Variants in ANPEP observed in about 807,000 individuals in gnomAD.
The protein encoded by ANPEP is aminopeptidase N.
Under a neutral mutation model 114.6 loss-of-function variants are expected in ANPEP, and 70 were observed. The ratio of observed to expected loss-of-function variants is 0.61; its 90% CI spans 0.50 to 0.75. The LOEUF (loss-of-function observed/expected upper bound fraction) is 0.75. Ranked by LOEUF, ANPEP falls within the 30% of genes least tolerant of loss-of-function variation. ANPEP has a pLI of 0.00. For synonymous variants in ANPEP, 548 were observed against 522.3 expected (o/e 1.05, Z -0.67); for missense variants, 1,184 against 1,259.5 (o/e 0.94, Z 0.91).
chr15:89,805,100 T>C lies in ANPEP; in HGVS notation c.875A>G (p.Lys292Arg). The change falls in exon 4 of 21, where the codon AAG (lysine) becomes AGG (arginine). Residue 292 changes from lysine to arginine, a missense_variant. By Grantham distance (26) the Lys-to-Arg change is conservative. Coordinates refer to ENST00000300060, the MANE Select transcript of ANPEP (RefSeq NM_001150.3). ...FIVSEFDYVE[K>R]QASNGVLIRI... ...TACCAAGACACCATTGGATGCCTGC[T>C]TCTCCACGTAGTCGAACTCACTGAC... 6.2e-7 allele frequency: 1 copy of C among 1,614,224 alleles called. No individual in the cohort carries two copies. Among genetic ancestry groups the C allele is most frequent in the Non-Finnish European group, 8.5e-7 (1 of 1,180,034 alleles).
At chr15:89,792,379 C>T in intron 17 of ANPEP, 52 bp from the exon 18 acceptor site, 1 of 1,612,100 alleles carries the variant, frequency 6.2e-7, no homozygotes, top group Non-Finnish European at 8.5e-7. Flanking sequence ...GAGGGTGGGA[C>T]AGGGTTCTGC....
At chr15:89,808,485 T>A (rs1295943317) in intron 1 of ANPEP, among the ~76,000 whole-genome samples, 1 of 152,224 alleles carries the variant, frequency 6.6e-6, no homozygotes, top group Non-Finnish European at 1.5e-5. Flanking sequence ...TAGGTCCTCA[T>A]TACTGAGATG....
At chr15:89,794,312 C>T (rs997170326) in intron 15 of ANPEP, among the ~76,000 whole-genome samples, 13 of 151,754 alleles carry the variant, frequency 8.6e-5, no homozygotes, top group African/African-American at 7.3e-5. Flanking sequence ...GGTGAAACCC[C>T]GAAGCTACTA....
In ANPEP at chr15:89,792,254, C is replaced by G. The variant is rs759355791; in HGVS notation, c.2434G>C (p.Ala812Pro). ...AQGGEEEWDFAWEQFRNATLV... is the reference protein window; with the variant it reads ...AQGGEEEWDFPWEQFRNATLV... ...GTGGCATTTCGGAACTGCTCCCAGGCGAAGTCCCACTCCTCCTCCCCGCCC... is the reference window on the plus strand; with the variant it reads ...GTGGCATTTCGGAACTGCTCCCAGGGGAAGTCCCACTCCTCCTCCCCGCCC... The change falls in exon 18 of 21, where the codon GCC (alanine) becomes CCC (proline). Residue 812 changes from alanine to proline, a missense_variant. Transcript: ENST00000300060. 1 of 1,614,212 alleles carries G rather than the reference C, an allele frequency of 6.2e-7. No individual in the cohort carries two copies. The highest frequency in any genetic ancestry group is 2.2e-5 in the East Asian group (1 of 44,888).
chr15:89,801,065 G>C (rs779226867), intron 12 of ANPEP, 46 bp downstream of exon 12: 1 of 1,551,494 alleles, frequency 6.4e-7, no homozygotes, highest in African/African-American at 1.4e-5. Context: ...CCAGGAGCTA[G>C]GAGTATGGGG....
chr15:89,797,398 G>A, intron 15 of ANPEP, 177 bp downstream of exon 15: 1 of 915,344 alleles, frequency 1.1e-6, no homozygotes, highest in Non-Finnish European at 1.6e-6. Flanking sequence ...TCTTTCACCT[G>A]CGTGCTCTCA....
At chr15:89,810,651 A>T (rs1037408105) in intron 1 of ANPEP, among the ~76,000 whole-genome samples, 14 of 152,100 alleles carry the variant, frequency 9.2e-5, no homozygotes, top group African/African-American at 3.1e-4. Context: ...AAGCACCTCA[A>T]AGGAAGGCCT....
intron 16 of ANPEP, among the ~76,000 whole-genome samples, 198 bp from the exon 17 acceptor site, chr15:89,792,760 G>A (rs1393673608): frequency 6.6e-6 from 1 of 151,702 alleles, no homozygotes. Context: ...AGAAGGGCAG[G>A]AACAGGCTCC....
At chr15:89,811,516 G>C (rs755153501) in intron 1 of ANPEP, among the ~76,000 whole-genome samples, 3 of 151,674 alleles carry the variant, frequency 2.0e-5, no homozygotes, top group Non-Finnish European at 2.9e-5. Flanking sequence ...CGTGGTGGTG[G>C]GCGCCTGTAA....
At chr15:89,805,948 G>A (rs767738541) in intron 2 of ANPEP, 22 bp downstream of exon 2, 7 of 1,567,184 alleles carry the variant, frequency 4.5e-6, no homozygotes, top group Admixed American at 3.5e-5. Context: ...CCACCCCACC[G>A]GGCAGCCCAG....
chr15:89,790,918 G>C (rs774951046), intron 19 of ANPEP, 35 bp downstream of exon 19: 8 of 1,606,794 alleles, frequency 5.0e-6, no homozygotes, highest in Non-Finnish European at 6.8e-6. Flanking sequence ...CAGCCTCGGC[G>C]CTCGCTGTCC....
intron 15 of ANPEP, among the ~76,000 whole-genome samples, chr15:89,793,436 C>A (rs114953268): frequency 0.023 from 3,532 of 152,246 alleles, 134 homozygotes; most frequent in African/African-American, 0.081. Context: ...CGCAGTGGCT[C>A]ACACTTGTAA....
At chr15:89,814,683 T>G (rs1894876460) in intron 1 of ANPEP, 89 bp downstream of exon 1, 1 of 152,434 alleles carries the variant, frequency 6.6e-6, no homozygotes, top group Admixed American at 6.5e-5. Flanking sequence ...CGCCAAGCGC[T>G]GGGTCTGCAG....
At position 89,805,973 on chromosome 15, in the gene ANPEP, C is replaced by G. The variant is rs1292772894; in HGVS notation, c.611G>C (p.Arg204Thr). Reference sequence around the variant, plus strand: ...GGGCAGCCCAGCCGGAACTCACTTTCTGACATTGCCCTCCATGTACTCGCT... The same window carrying G: ...GGGCAGCCCAGCCGGAACTCACTTTGTGACATTGCCCTCCATGTACTCGCT... Reference protein sequence around the residue: ...YRSEYMEGNVRKVVATTQMQA... With the variant: ...YRSEYMEGNVTKVVATTQMQA... Residue 204 changes from arginine to threonine, a missense_variant, in exon 2 of 21, where the codon AGA becomes ACA. Arg to Thr is a moderately conservative substitution (Grantham distance 71, BLOSUM62 -1). Coordinates refer to ENST00000300060, the MANE Select transcript of ANPEP (RefSeq NM_001150.3). 1.9e-6 allele frequency: 3 copies of G among 1,583,708 alleles called. No homozygotes were observed. In the South Asian group the frequency reaches 3.4e-5, roughly 18 times the overall value.
At position 89,791,036 on chromosome 15, in the gene ANPEP, G is replaced by C; in HGVS notation, c.2586C>G (p.Thr862=). ...TGACGTTGTTGGTAATGCTGATGAT[G>C]GTAGAGGTGGCGTCCTGCTTCCGGA... The part of the protein sequence containing the change: ...DLIRKQDATS[T]IISITNNVIG... Residue 862 remains threonine, a synonymous_variant, in exon 19 of 21, where the codon ACC becomes ACG. Coordinates refer to ENST00000300060, the MANE Select transcript of ANPEP (RefSeq NM_001150.3). 1 of 1,614,252 alleles carries C rather than the reference G, an allele frequency of 6.2e-7. No individual in the cohort carries two copies. The highest frequency in any genetic ancestry group is 1.1e-5 in the South Asian group (1 of 91,086).
At chr15:89,804,194 C>A (rs561289171) in intron 6 of ANPEP, 59 bp downstream of exon 6, 12 of 1,603,376 alleles carry the variant, frequency 7.5e-6, no homozygotes, top group African/African-American at 5.3e-5. Flanking sequence ...CCTGGACTTG[C>A]GCCGTCTCCT....
chr15:89,799,710 GA>G lies in ANPEP; in HGVS notation c.1820-152del, dbSNP rs1456142320. 1.7e-6 allele frequency: 2 copies of G among 1,160,224 alleles called. No individual in the cohort carries two copies. Among genetic ancestry groups the G allele is most frequent in the African/African-American group, 3.1e-5 (2 of 65,234 alleles). 71.9% of individuals were successfully genotyped at this position (1,160,224 alleles called of 1,614,324 possible). On this transcript the variant is annotated intron_variant, in intron 12 of 20. Coordinates refer to ENST00000300060, the MANE Select transcript of ANPEP (RefSeq NM_001150.3). This position sits in a 1 kb window ranked among gnomAD's most constrained non-coding sequence, Gnocchi z 4.2. The stretch of plus-strand genomic sequence containing the variant: ...TAAGGGTGGGGAAGGAAGGGATGAG[GA>G]ACTGGGCTGCCAGTGGCTTCACAGA...
intron 20 of ANPEP, among the ~76,000 whole-genome samples, chr15:89,789,018 C>T (rs181375491): frequency 2.8e-4 from 42 of 151,528 alleles, no homozygotes; most frequent in Admixed American, 1.9e-3. Flanking sequence ...CTCACTCTGT[C>T]GCCCAAGCTG....
chr15:89,794,202 G>T (rs1273911231), intron 15 of ANPEP, among the ~76,000 whole-genome samples: 1 of 152,190 alleles, frequency 6.6e-6, no homozygotes, highest in African/African-American at 2.4e-5. Context: ...AAAGGGACAA[G>T]GCCAGGTATG....
Sources: gnomAD v4.1 joint callset for allele counts (sites outside exome capture counted in the v4.1 genomes callset) on GRCh38, gnomAD v4.1.1 for gene constraint, Gnocchi (gnomAD v3.1) non-coding constraint, MANE v1.5 for transcripts, NCBI Gene and HGNC (gene_info 2026-07-23, HGNC 2026-07-21) for gene names.